The following TIAM2 variants were observed in gnomAD, a reference collection of about 807,000 sequenced individuals.
TIAM2 encodes rho guanine nucleotide exchange factor TIAM2.
In TIAM2, 80 loss-of-function variants were observed where a neutral mutation model predicts 152.9. The observed-to-expected ratio is 0.52, with a 90% CI of 0.44 to 0.63. The LOEUF is 0.63. TIAM2 is among the 30% of genes least tolerant of loss of function. The probability of loss-of-function intolerance (pLI) is 0.00; values close to 1 mark genes in which losing one functional copy is unlikely to be tolerated. For missense variants in TIAM2, 1,965 were observed against 2,120.1 expected (o/e 0.93, Z 1.44); for synonymous variants, 804 against 838.0 (o/e 0.96, Z 0.70).
intron 2 of TIAM2, among the ~76,000 whole-genome samples, chr6:155,125,879 C>T (rs1779283395): frequency 6.6e-6 from 1 of 151,806 alleles, no homozygotes; most frequent in Non-Finnish European, 1.5e-5. Flanking sequence ...AATAGAATAA[C>T]CTAAGTGGTG....
At position 155,165,361 on chromosome 6, in the gene TIAM2, G is replaced by A; in HGVS notation, c.2313G>A (p.Leu771=). The change falls in exon 9 of 27, where the codon CTG becomes CTA. Residue 771 remains leucine (L), a synonymous_variant. Transcript: ENST00000682666. ...KKGIFSSLKG[L]DTLARKGKEK... ...GAATATTTTCTTCGTTAAAAGGGCT[G>A]GACACACTGGCCAGAAAAGGCAAGG... is the stretch of plus-strand genomic sequence containing the variant. 3 of 1,614,088 alleles carry A rather than the reference G, an allele frequency of 1.9e-6. No individual in the cohort carries two copies. The highest frequency in any genetic ancestry group is 2.5e-6 in the Non-Finnish European group (3 of 1,180,020).
At chr6:155,112,371 C>T (rs1037941481) in intron 2 of TIAM2, among the ~76,000 whole-genome samples, 2 of 151,726 alleles carry the variant, frequency 1.3e-5, no homozygotes, top group African/African-American at 2.4e-5. Flanking sequence ...GTGATCTGCC[C>T]GCCTCAGCCT....
intron 14 of TIAM2, among the ~76,000 whole-genome samples, chr6:155,210,427 T>C (rs1430261049): frequency 6.6e-6 from 1 of 151,578 alleles, no homozygotes; most frequent in East Asian, 1.9e-4. Context: ...CAAGCCATCC[T>C]CCTGCCTCAG....
At chr6:155,136,101 G>A (rs552161112) in intron 4 of TIAM2, among the ~76,000 whole-genome samples, 1 of 150,872 alleles carries the variant, frequency 6.6e-6, no homozygotes, top group South Asian at 2.1e-4. Context: ...GGCCGAGGCA[G>A]GAGAGTCACT....
chr6:155,083,374 A>T (rs1188109469), intron 1 of TIAM2, among the ~76,000 whole-genome samples: 1 of 146,756 alleles, frequency 6.8e-6, no homozygotes, highest in Non-Finnish European at 1.5e-5. Flanking sequence ...AAAAAGAGAG[A>T]GAGAGAGAGA....
At chr6:155,241,560 A>G (rs1235029045) in intron 16 of TIAM2, among the ~76,000 whole-genome samples, 1 of 152,120 alleles carries the variant, frequency 6.6e-6, no homozygotes, top group East Asian at 1.9e-4. Context: ...AAGGCTTGGC[A>G]CACACGTGCG....
At chr6:155,162,216 T>TC (rs1780292303) in intron 7 of TIAM2, among the ~76,000 whole-genome samples, 2 of 151,856 alleles carry the variant, frequency 1.3e-5, no homozygotes, top group Admixed American at 6.6e-5. Context: ...CCTCGGCCTC[T>TC]CCAAGTGCTG....
At position 155,257,099 on chromosome 6, in the gene TIAM2, C is replaced by G. The variant is rs1042011264; in HGVS notation, c.5084C>G (p.Thr1695Arg). 1 of 1,601,074 alleles carries G rather than the reference C, an allele frequency of 6.2e-7. No homozygotes were observed. The highest frequency in any genetic ancestry group is 8.5e-7 in the Non-Finnish European group (1 of 1,174,478). ...GTCAGTGAGGAGTGTTTTTATGAAA[C>G]AGAGAGCCACGGAAAATCATAGTAT... is the stretch of plus-strand genomic sequence containing the variant. Reference protein sequence around the residue: ...SVVSEECFYETESHGKS With the variant: ...SVVSEECFYERESHGKS Residue 1695 changes from threonine to arginine, a missense_variant, in exon 27 of 27, where the codon ACA (threonine) becomes AGA (arginine). Coordinates refer to ENST00000682666, the MANE Select transcript of TIAM2 (RefSeq NM_012454.4).
chr6:155,042,814 C>G (rs577112344), intron 1 of TIAM2, among the ~76,000 whole-genome samples: 1 of 152,220 alleles, frequency 6.6e-6, no homozygotes, highest in South Asian at 2.1e-4. Flanking sequence ...AAGTATACAA[C>G]ACATTGTTAG....
At position 155,132,644 on chromosome 6, in the gene TIAM2, C is replaced by T. The variant is rs143431893; in HGVS notation, c.1194+2227C>T. ...GATCCCCACTGAGCATAATGGGAGACGCAGCTTCTGCTTACTTGAGGGCTG... is the reference window on the plus strand; with the variant it reads ...GATCCCCACTGAGCATAATGGGAGATGCAGCTTCTGCTTACTTGAGGGCTG... On this transcript the variant is annotated intron_variant, in intron 4 of 26. Coordinates refer to ENST00000682666, the MANE Select transcript of TIAM2 (RefSeq NM_012454.4). 9.8e-4 allele frequency among the ~76,000 whole-genome samples: 149 copies of T among 152,324 alleles called. 1 individual carries two copies. The highest frequency in any genetic ancestry group is 3.5e-3 in the African/African-American group (144 of 41,582).
rs116960376 is a variant in TIAM2 at position 155,137,604 on chromosome 6, C to T, written c.1622C>T (p.Thr541Met). The T allele has an allele frequency of 1.1e-3, 1,730 of 1,584,754 alleles. 23 individuals carry two copies. In the East Asian group the frequency reaches 0.031, roughly 28 times the overall value. ...ARRKWKQYWVTLKGCTLLFYE... is the reference protein window; with the variant it reads ...ARRKWKQYWVMLKGCTLLFYE... ...AGGAAATGGAAACAGTACTGGGTAA[C>T]GCTGAAAGGTGAGTGCAGTGTCACC... The change falls in exon 5 of 27, where the codon ACG (threonine) becomes ATG (methionine). Residue 541 changes from threonine to methionine, a missense_variant. This residue lies in a region of TIAM2 where 1,025 missense variants were observed against 1,119.4 expected (regional missense o/e 0.92). Coordinates refer to ENST00000682666, the MANE Select transcript of TIAM2 (RefSeq NM_012454.4).
intron 1 of TIAM2, among the ~76,000 whole-genome samples, chr6:155,028,968 T>C (rs1280879641): frequency 8.7e-6 from 1 of 114,846 alleles, no homozygotes; most frequent in African/African-American, 3.6e-5. Context: ...CTGTATGTAC[T>C]ATATATACTA....
chr6:155,021,251 T>C (rs11961642), intron 1 of TIAM2, among the ~76,000 whole-genome samples: 12,301 of 152,076 alleles, frequency 0.081, 1,667 homozygotes, highest in African/African-American at 0.28. Flanking sequence ...AACTGAGAAG[T>C]GGAATTCTAT....
intron 4 of TIAM2, among the ~76,000 whole-genome samples, chr6:155,133,625 G>A (rs1267648962): frequency 1.3e-5 from 2 of 151,962 alleles, no homozygotes; most frequent in African/African-American, 2.4e-5. Context: ...CCTGCCCCTG[G>A]CAACCACCAT....
chr6:155,254,565 C>A lies in TIAM2; in HGVS notation c.4460C>A (p.Ala1487Asp). 6.2e-7 allele frequency: 1 copy of A among 1,610,496 alleles called. No homozygotes were observed. ...VPLKNRVPVS[A>D]KLASSRSLKV... ...CTTAAGAACCGAGTTCCTGTTTCGG[C>A]CAAATTAGGTGAGAATTTTGCTAGC... Residue 1487 changes from alanine (A) to aspartate (D), a missense_variant, in exon 26 of 27, where the codon GCC becomes GAC. Coordinates refer to ENST00000682666, the MANE Select transcript of TIAM2 (RefSeq NM_012454.4).
At chr6:155,035,836 G>C (rs1331870771) in intron 1 of TIAM2, among the ~76,000 whole-genome samples, 1 of 152,150 alleles carries the variant, frequency 6.6e-6, no homozygotes. Context: ...GCCCTTGCTG[G>C]GTTGATGTAA....
At chr6:155,047,563 C>T (rs866527529) in intron 1 of TIAM2, among the ~76,000 whole-genome samples, 1 of 151,818 alleles carries the variant, frequency 6.6e-6, no homozygotes, top group African/African-American at 2.4e-5. Flanking sequence ...TTTCTTCTCA[C>T]AAACCTTTGG....
intron 1 of TIAM2, among the ~76,000 whole-genome samples, chr6:155,026,398 TTGAG>T (rs1776602975): frequency 6.6e-6 from 1 of 152,244 alleles, no homozygotes; most frequent in African/African-American, 2.4e-5. Context: ...GCAATGATAA[TTGAG>T]TTTCTCAATT....
chr6:155,029,466 A>AT (rs1776759573), intron 1 of TIAM2, among the ~76,000 whole-genome samples: 1 of 51,252 alleles, frequency 2.0e-5, no homozygotes, highest in African/African-American at 9.5e-5. Context: ...TATATATAAT[A>AT]TATACTATAG....
Sources: allele counts gnomAD v4.1 joint callset (sites outside exome capture counted in the v4.1 genomes callset), GRCh38; gene constraint gnomAD v4.1.1; regional missense constraint gnomAD v4.1.1; transcripts MANE v1.5; gene names NCBI Gene and HGNC (gene_info 2026-07-23, HGNC 2026-07-21).